The following CDC42BPA variants were observed in gnomAD, a reference collection of about 807,000 sequenced individuals.
The protein encoded by CDC42BPA is serine/threonine-protein kinase MRCK alpha.
In CDC42BPA, 80 loss-of-function variants were observed where a neutral mutation model predicts 223.5. The observed-to-expected ratio is 0.36, with a 90% CI of 0.30 to 0.43. The LOEUF (loss-of-function observed/expected upper bound fraction) is 0.43, where lower values mean the gene tolerates loss of function less well. CDC42BPA is among the 20% of genes least tolerant of loss of function. CDC42BPA has a pLI of 1.00. For synonymous variants in CDC42BPA, 694 were observed against 718.6 expected, an observed-to-expected ratio of 0.97 and a Z score of 0.55; for missense variants, 1,743 against 2,099.9, an observed-to-expected ratio of 0.83 and a Z score of 3.32.
chr1:227,265,050 C>A lies in CDC42BPA; in HGVS notation c.179-10895G>T, dbSNP rs1533283. Reference sequence around the variant, plus strand: ...CACTGAGGATTTGGCTTCATGGACGCAGCAGGAAAAAAATCCTGCATTGCA... The same window carrying A: ...CACTGAGGATTTGGCTTCATGGACGAAGCAGGAAAAAAATCCTGCATTGCA... On this transcript the variant is annotated intron_variant, in intron 1 of 36. Coordinates refer to ENST00000366766, the MANE Select transcript of CDC42BPA (RefSeq NM_001394014.1). The A allele has an allele frequency of 5.1e-5, 40 of 781,692 alleles. 1 individual carries two copies. The South Asian group carries it at 5.4e-4, about 10-fold the overall frequency. 48.4% of individuals were successfully genotyped at this position (781,692 alleles called of 1,614,324 possible). A position where few individuals can be genotyped will look rare whatever the true frequency, so the allele number is the denominator to read the frequency against.
chr1:227,272,781 A>G (rs951080393), intron 1 of CDC42BPA, among the ~76,000 whole-genome samples: 4 of 150,120 alleles, frequency 2.7e-5, no homozygotes, highest in African/African-American at 9.9e-5. Flanking sequence ...GTCATAAACC[A>G]AGAGTATAAT....
rs1245042071 is a variant in CDC42BPA, at chr1:227,296,688, A to G, written c.178+20317T>C. 3.4e-5 allele frequency among the ~76,000 whole-genome samples: 5 copies of G among 148,486 alleles called. No individual in the cohort carries two copies. The East Asian group carries it at 1.0e-3, about 30-fold the overall frequency. On this transcript the variant is annotated intron_variant, in intron 1 of 36. Coordinates refer to ENST00000366766, the MANE Select transcript of CDC42BPA (RefSeq NM_001394014.1). ...GCCACTGCACTCCAGCCTGGGAAACAGAGAGAGACTCTCCCCACATCAAAA... is the reference window on the plus strand; with the variant it reads ...GCCACTGCACTCCAGCCTGGGAAACGGAGAGAGACTCTCCCCACATCAAAA...
chr1:227,257,611 A>G (rs1315442432), intron 1 of CDC42BPA, among the ~76,000 whole-genome samples: 4 of 150,718 alleles, frequency 2.7e-5, no homozygotes, highest in African/African-American at 1.0e-4. Flanking sequence ...TTAAATGGGC[A>G]TGGTAGTAAA....
intron 1 of CDC42BPA, among the ~76,000 whole-genome samples, chr1:227,280,300 C>T (rs1212709747): frequency 2.0e-5 from 3 of 152,186 alleles, no homozygotes; most frequent in Non-Finnish European, 4.4e-5. Flanking sequence ...TTTATAGAAG[C>T]TCTTTTTCTT....
intron 1 of CDC42BPA, among the ~76,000 whole-genome samples, chr1:227,305,759 A>G (rs1692424606): frequency 6.6e-6 from 1 of 152,116 alleles, no homozygotes; most frequent in Non-Finnish European, 1.5e-5. Context: ...CGAGGTCAGG[A>G]GTTTGAGACC....
intron 2 of CDC42BPA, among the ~76,000 whole-genome samples, chr1:227,220,299 TATATATATATATAC>T (rs1417901403): frequency 3.0e-4 from 39 of 128,514 alleles, no homozygotes; most frequent in African/African-American, 6.4e-4. Flanking sequence ...TATATATATA[TATATATATATATAC>T]ACACACACAC....
At chr1:227,157,642 T>C (rs1298814054) in intron 6 of CDC42BPA, among the ~76,000 whole-genome samples, 4 of 152,142 alleles carry the variant, frequency 2.6e-5, no homozygotes, top group African/African-American at 9.7e-5. Flanking sequence ...GGTTGAGCCA[T>C]TACGTACACA....
At chr1:227,118,711 T>C (rs1400968006) in intron 12 of CDC42BPA, among the ~76,000 whole-genome samples, 1 of 152,134 alleles carries the variant, frequency 6.6e-6, no homozygotes, top group African/African-American at 2.4e-5. Context: ...ACGCCGATTA[T>C]GTTAACTAAA....
At chr1:227,142,824 T>C (rs973462279) in intron 9 of CDC42BPA, 121 bp downstream of exon 9, 3 of 494,550 alleles carry the variant, frequency 6.1e-6, no homozygotes, top group African/African-American at 4.2e-5. Flanking sequence ...TTCACCATAT[T>C]GGCCAGGCTG....
At chr1:227,199,705 TA>T (rs1004044834) in intron 3 of CDC42BPA, 53 bp from the exon 4 acceptor site, 3 of 858,806 alleles carry the variant, frequency 3.5e-6, no homozygotes, top group Non-Finnish European at 5.9e-6. Flanking sequence ...AACTAGGAAA[TA>T]TACAAAGAAT....
intron 34 of CDC42BPA, among the ~76,000 whole-genome samples, chr1:227,006,716 C>T (rs1240764579): frequency 6.6e-6 from 1 of 152,122 alleles, no homozygotes; most frequent in Non-Finnish European, 1.5e-5. Context: ...GTGGGCAGAT[C>T]ACGAGGTCAG....
At chr1:227,118,902 G>A (rs978115370) in intron 12 of CDC42BPA, among the ~76,000 whole-genome samples, 2 of 151,988 alleles carry the variant, frequency 1.3e-5, no homozygotes, top group Non-Finnish European at 1.5e-5. Flanking sequence ...AAAATGTACT[G>A]GTCTATTTCA....
chr1:227,089,779 TTCTC>T (rs1485633451), intron 16 of CDC42BPA, among the ~76,000 whole-genome samples: 1 of 152,052 alleles, frequency 6.6e-6, no homozygotes, highest in Non-Finnish European at 1.5e-5. Flanking sequence ...TTTTGAAAAA[TTCTC>T]TCTAAATATG....
chr1:227,239,640 G>T (rs1171463501), intron 2 of CDC42BPA, among the ~76,000 whole-genome samples: 1 of 151,944 alleles, frequency 6.6e-6, no homozygotes, highest in African/African-American at 2.4e-5. Context: ...CTAACTGAAA[G>T]AAAAAATCCA....
rs192999993 is a variant in CDC42BPA, at chr1:226,996,665, T to A, written c.4976-1685A>T. On this transcript the variant is annotated intron_variant, in intron 35 of 36. Transcript: ENST00000366766. ...AATACCTAGTTTATTGAGTTTTTAG[T>A]ATAAAGGTGTTGAATTTTATCAAAG... Among the ~76,000 whole-genome samples the A allele has an allele frequency of 1.1e-4, 17 of 152,308 alleles. No homozygotes were observed. In the East Asian group the frequency reaches 1.5e-3, roughly 14 times the overall value.
At chr1:227,071,555 A>G (rs1178486153) in intron 20 of CDC42BPA, among the ~76,000 whole-genome samples, 1 of 151,834 alleles carries the variant, frequency 6.6e-6, no homozygotes, top group African/African-American at 2.4e-5. Context: ...ATGGTAATAA[A>G]TCCGGGATAT....
intron 35 of CDC42BPA, among the ~76,000 whole-genome samples, chr1:226,999,948 G>A (rs1476002706): frequency 6.6e-6 from 1 of 150,772 alleles, no homozygotes; most frequent in Admixed American, 6.6e-5. Context: ...GGGGCCTGTT[G>A]GGGGGTGGGG....
chr1:227,316,622 T>C (rs146374916), intron 1 of CDC42BPA, among the ~76,000 whole-genome samples: 4 of 152,330 alleles, frequency 2.6e-5, no homozygotes, highest in East Asian at 1.9e-4. Context: ...ATAATTTCCA[T>C]AGTCTGAATG....
intron 6 of CDC42BPA, among the ~76,000 whole-genome samples, chr1:227,159,664 A>G (rs1310455710): frequency 6.9e-6 from 1 of 145,510 alleles, no homozygotes; most frequent in African/African-American, 2.6e-5. Context: ...AAAAAAAAAA[A>G]CAGAATAAAA....
Sources: gnomAD v4.1 joint callset for allele counts (sites outside exome capture counted in the v4.1 genomes callset) on GRCh38, gnomAD v4.1.1 for gene constraint, MANE v1.5 for transcripts, NCBI Gene and HGNC (gene_info 2026-07-23, HGNC 2026-07-21) for gene names.